The following TRPM8 variants were observed in gnomAD, a reference collection of about 807,000 sequenced individuals.
TRPM8 encodes the protein TRPM8 cationic channel.
TRPM8 carries 110 observed loss-of-function variants against 133.7 expected under a neutral mutation model. That is an observed-to-expected ratio of 0.82 (90% CI 0.70 to 0.96). TRPM8 has a LOEUF of 0.96. TRPM8 is among the 40% of genes least tolerant of loss of function. TRPM8 has a pLI of 0.00. For synonymous variants in TRPM8, 535 were observed against 532.3 expected (o/e 1.01, Z -0.07); for missense variants, 1,291 against 1,379.5 (o/e 0.94, Z 1.02).
chr2:233,970,130 T>C (rs1548690), intron 16 of TRPM8, 80 bp from the exon 17 acceptor site: 59,865 of 1,289,354 alleles, frequency 0.046, 7,451 homozygotes, highest in East Asian at 0.4. Flanking sequence ...TCTGTATTTA[T>C]CTATGTTTGG....
chr2:233,921,873 A>T (rs1691419252), intron 1 of TRPM8, among the ~76,000 whole-genome samples: 1 of 151,892 alleles, frequency 6.6e-6, no homozygotes, highest in Admixed American at 6.5e-5. Flanking sequence ...GGATTTCGCC[A>T]TGTTGGCCAG....
At chr2:233,944,543 G>T (rs1424461530) in intron 6 of TRPM8, among the ~76,000 whole-genome samples, 1 of 152,158 alleles carries the variant, frequency 6.6e-6, no homozygotes, top group African/African-American at 2.4e-5. Context: ...ATTAAAGAAT[G>T]TGCCAATCAT....
chr2:233,970,087 G>A (rs1691673054), intron 16 of TRPM8, 123 bp from the exon 17 acceptor site: 1 of 937,496 alleles, frequency 1.1e-6, no homozygotes, highest in Non-Finnish European at 1.7e-6. Flanking sequence ...TTAGGACACG[G>A]TTTTGCTCCC....
intron 9 of TRPM8, among the ~76,000 whole-genome samples, chr2:233,951,620 G>A (rs28901652): frequency 0.016 from 2,426 of 152,218 alleles, 53 homozygotes; most frequent in African/African-American, 0.055. Context: ...TAGGCTAAAA[G>A]GCACATTCTA....
rs1559516469 is a variant in TRPM8, at chr2:233,927,851, CCTTTCTTTCTCTT to C, written c.117+1198_117+1210del. 7.5e-3 allele frequency among the ~76,000 whole-genome samples: 283 copies of C among 37,586 alleles called. 32 individuals carry two copies. Among genetic ancestry groups the C allele is most frequent in the Non-Finnish European group, 0.01 (231 of 22,764 alleles). 24.7% of individuals were successfully genotyped at this position (37,586 alleles called of 152,430 possible). ...TCCTTCCTTCCTTCCTTCCTTCCTT[CCTTTCTTTCTCTT>C]TCTTTCTTTCTTTCTTTCTTTCTTT... is the stretch of plus-strand genomic sequence containing the variant. On this transcript the variant is annotated intron_variant, in intron 2 of 25. Transcript: ENST00000324695.
At chr2:233,921,667 C>CTT (rs1691413151) in intron 1 of TRPM8, among the ~76,000 whole-genome samples, 1 of 126,240 alleles carries the variant, frequency 7.9e-6, no homozygotes, top group African/African-American at 3.4e-5. Context: ...TTTTCTTTTT[C>CTT]TTTTCTTTTC....
intron 16 of TRPM8, 24 bp from the exon 17 acceptor site, chr2:233,970,186 C>T (rs200905855): frequency 3.7e-5 from 60 of 1,606,936 alleles, no homozygotes; most frequent in Admixed American, 2.0e-4. Context: ...AGGATGCTGA[C>T]GATGCCCTTA....
rs1335317339 is a variant in TRPM8 at position 234,019,435 on chromosome 2, ATG to A, written c.*2183_*2184del. On this transcript the variant is annotated 3_prime_UTR_variant, in exon 26 of 26. Coordinates refer to ENST00000324695, the MANE Select transcript of TRPM8 (RefSeq NM_024080.5). The stretch of plus-strand genomic sequence containing the variant: ...GCTATGTCCTTGTGTATGGTACTAA[ATG>A]TGTCCTGTGTACTTTTGCACAACTG... 2.6e-5 allele frequency: 4 copies of A among 152,218 alleles called. No individual in the cohort carries two copies. The highest frequency in any genetic ancestry group is 5.9e-5 in the Non-Finnish European group (4 of 68,042). The allele number at this position is 152,218 out of a possible 1,614,324, so 9.4% of individuals were successfully genotyped here. A position where few individuals can be genotyped will look rare whatever the true frequency, so the allele number is the denominator to read the frequency against.
At chr2:233,918,854 G>A (rs1691353581) in intron 1 of TRPM8, among the ~76,000 whole-genome samples, 1 of 152,044 alleles carries the variant, frequency 6.6e-6, no homozygotes. Flanking sequence ...CTCTCTGGAT[G>A]GTGTCATTTA....
intron 20 of TRPM8, among the ~76,000 whole-genome samples, chr2:233,984,207 A>C (rs1156392821): frequency 1.3e-5 from 2 of 152,096 alleles, no homozygotes; most frequent in Non-Finnish European, 2.9e-5. Flanking sequence ...TCTCTGTTTC[A>C]TGGGCACAAC....
Position 234,019,208 on chromosome 2 carries a change from T to C in TRPM8, c.*1952T>C, listed in dbSNP as rs1693032813. On this transcript the variant is annotated 3_prime_UTR_variant, in exon 26 of 26. Transcript: ENST00000324695. ...GCAAGGAATTAACACAAATAAAAGA[T>C]GCCTTTTTACTTAAACACCAAGACA... 6.6e-6 allele frequency: 1 copy of C among 152,218 alleles called. No individual in the cohort carries two copies. Among genetic ancestry groups the C allele is most frequent in the African/African-American group, 2.4e-5 (1 of 41,460 alleles). The allele number at this position is 152,218 out of a possible 1,614,324, so 9.4% of individuals were successfully genotyped here.
chr2:234,010,216 G>A (rs1692802325), intron 24 of TRPM8, among the ~76,000 whole-genome samples: 1 of 152,144 alleles, frequency 6.6e-6, no homozygotes, highest in Admixed American at 6.5e-5. Flanking sequence ...TCACATATAA[G>A]TGAGATAGTG....
chr2:233,975,213 C>T (rs901708521), intron 17 of TRPM8, among the ~76,000 whole-genome samples: 12 of 152,178 alleles, frequency 7.9e-5, no homozygotes, highest in East Asian at 3.9e-4. Flanking sequence ...GTGTTGGCAC[C>T]GACACGTTTC....
In TRPM8 at chr2:233,942,604, T is replaced by C; in HGVS notation, c.555T>C (p.His185=). The C allele has an allele frequency of 1.2e-6, 2 of 1,614,218 alleles. No individual in the cohort carries two copies. Among genetic ancestry groups the C allele is most frequent in the Non-Finnish European group, 1.7e-6 (2 of 1,180,038 alleles). ...CTTGGATTCTCACGGGAGGCACCCA[T>C]TATGGCCTGATGAAGTACATCGGGG... ...KGAWILTGGT[H]YGLMKYIGEV... is the part of the protein sequence containing the mutation. Residue 185 remains histidine (H), a synonymous_variant, in exon 6 of 26, where the codon CAT becomes CAC. Coordinates refer to ENST00000324695, the MANE Select transcript of TRPM8 (RefSeq NM_024080.5).
chr2:233,948,429 C>A (rs933160935), intron 8 of TRPM8, among the ~76,000 whole-genome samples: 2 of 152,222 alleles, frequency 1.3e-5, no homozygotes, highest in East Asian at 3.9e-4. Context: ...AAGGTCATCA[C>A]CAAGGTGATC....
At chr2:233,955,659 C>T (rs1691276565) in intron 11 of TRPM8, among the ~76,000 whole-genome samples, 2 of 152,084 alleles carry the variant, frequency 1.3e-5, no homozygotes, top group South Asian at 2.1e-4. Context: ...CCTGCCCCCA[C>T]CTGCCTAGCC....
chr2:233,961,508 G>A (rs548525954), intron 12 of TRPM8, among the ~76,000 whole-genome samples: 1 of 152,234 alleles, frequency 6.6e-6, no homozygotes, highest in East Asian at 1.9e-4. Flanking sequence ...GTTTCACCAT[G>A]TTGGCCAGGC....
chr2:233,947,245 C>A (rs1014810393), intron 8 of TRPM8, 90 bp downstream of exon 8: 2 of 1,581,170 alleles, frequency 1.3e-6, no homozygotes, highest in Non-Finnish European at 1.7e-6. Context: ...TCTAATCTAA[C>A]CTAATTGATT....
At position 233,926,206 on chromosome 2, in the gene TRPM8, G is replaced by A. The variant is rs546419470; in HGVS notation, c.-5-327G>A. On this transcript the variant is annotated intron_variant, in intron 1 of 25. Transcript: ENST00000324695. ...TCAGATGGAGTGCACTGTGATGCAT[G>A]TGCTACAGACTGCCCTTTCAGAGCT... is the stretch of plus-strand genomic sequence containing the variant. 2.6e-5 allele frequency among the ~76,000 whole-genome samples: 4 copies of A among 152,338 alleles called. No homozygotes were observed. In the East Asian group the frequency reaches 7.7e-4, roughly 29 times the overall value.
Sources: allele counts gnomAD v4.1 joint callset (sites outside exome capture counted in the v4.1 genomes callset), GRCh38; gene constraint gnomAD v4.1.1; transcripts MANE v1.5; gene names NCBI Gene and HGNC (gene_info 2026-07-23, HGNC 2026-07-21).